Variants in COP1 observed in about 807,000 individuals in gnomAD.
COP1 encodes E3 ubiquitin-protein ligase COP1.
In COP1, 24 loss-of-function variants were observed where a neutral mutation model predicts 101.3. The observed-to-expected ratio is 0.24, with a 90% CI of 0.17 to 0.33. The LOEUF is 0.33. Ranked by LOEUF, COP1 falls within the 10% of genes least tolerant of loss-of-function variation. The probability of loss-of-function intolerance (pLI) is 1.00; values close to 1 mark genes in which losing one functional copy is unlikely to be tolerated. For missense variants in COP1, 663 were observed against 906.2 expected (o/e 0.73, Z 3.45); for synonymous variants, 347 against 341.9 (o/e 1.01, Z -0.17).
chr1:176,166,489 G>A (rs1695174823), intron 3 of COP1, among the ~76,000 whole-genome samples: 1 of 152,104 alleles, frequency 6.6e-6, no homozygotes, highest in South Asian at 2.1e-4. Context: ...GCAAATGATG[G>A]CAAAAATAAA....
At chr1:175,976,166 C>T (rs757932862) in intron 18 of COP1, among the ~76,000 whole-genome samples, 3 of 150,354 alleles carry the variant, frequency 2.0e-5, no homozygotes, top group Non-Finnish European at 4.4e-5. Flanking sequence ...AGTTGCAAGG[C>T]TAATTTGTTA....
intron 8 of COP1, among the ~76,000 whole-genome samples, chr1:176,130,771 G>C (rs1688749968): frequency 6.6e-6 from 1 of 151,444 alleles, no homozygotes; most frequent in Admixed American, 6.6e-5. Context: ...TAAAAATGTG[G>C]AAGTATAAGA....
chr1:176,154,183 A>G (rs180698307), intron 5 of COP1, among the ~76,000 whole-genome samples: 1 of 152,244 alleles, frequency 6.6e-6, no homozygotes, highest in Non-Finnish European at 1.5e-5. Flanking sequence ...TTTTCTTTGT[A>G]TATCTGGCAG....
At chr1:176,114,240 T>C (rs1032121200) in intron 9 of COP1, among the ~76,000 whole-genome samples, 1 of 152,152 alleles carries the variant, frequency 6.6e-6, no homozygotes, top group Non-Finnish European at 1.5e-5. Flanking sequence ...CAAAAAGACT[T>C]GAATCTGGTA....
At chr1:175,989,501 T>C (rs752477506) in intron 15 of COP1, 22 bp from the exon 16 acceptor site, 2 of 1,229,604 alleles carry the variant, frequency 1.6e-6, no homozygotes, top group Admixed American at 3.6e-5. Flanking sequence ...CAAAATTAGA[T>C]AAATGTAGTA....
intron 15 of COP1, among the ~76,000 whole-genome samples, chr1:176,005,210 AT>A (rs1173703480): frequency 6.6e-6 from 1 of 152,032 alleles, no homozygotes; most frequent in Non-Finnish European, 1.5e-5. Flanking sequence ...CCCGTTTATC[AT>A]TTTTTATTGC....
intron 1 of COP1, among the ~76,000 whole-genome samples, chr1:176,199,083 C>T (rs187845450): frequency 2.8e-4 from 42 of 152,114 alleles, no homozygotes; most frequent in Admixed American, 7.2e-4. Context: ...TTTGGGAGGC[C>T]GAGGCGTGGG....
chr1:175,957,483 A>C (rs1360834535), intron 18 of COP1, among the ~76,000 whole-genome samples: 4 of 152,202 alleles, frequency 2.6e-5, no homozygotes, highest in Admixed American at 6.5e-5. Context: ...GTACTAGGCT[A>C]TACCATCCAG....
intron 18 of COP1, among the ~76,000 whole-genome samples, chr1:175,952,867 T>C (rs936178847): frequency 2.6e-5 from 4 of 152,260 alleles, no homozygotes; most frequent in South Asian, 2.1e-4. Flanking sequence ...CAGTGAGCTA[T>C]GGTTGCACCA....
At chr1:175,984,332 T>A (rs985546770) in intron 18 of COP1, among the ~76,000 whole-genome samples, 1 of 152,190 alleles carries the variant, frequency 6.6e-6, no homozygotes, top group African/African-American at 2.4e-5. Flanking sequence ...CTTCAGAGGG[T>A]GCAAGCCCAA....
At chr1:175,951,923 C>T (rs1649976131) in intron 18 of COP1, among the ~76,000 whole-genome samples, 1 of 152,118 alleles carries the variant, frequency 6.6e-6, no homozygotes, top group South Asian at 2.1e-4. Context: ...TATAAACCCA[C>T]AAATCTAAGA....
At chr1:176,034,930 C>G (rs1241400483) in intron 14 of COP1, among the ~76,000 whole-genome samples, 1 of 152,138 alleles carries the variant, frequency 6.6e-6, no homozygotes, top group Non-Finnish European at 1.5e-5. Context: ...GCCAACTGAT[C>G]ACCTACTAAG....
rs74127185 is a variant in COP1 at position 176,135,628 on chromosome 1, T to G, written c.892-542A>C. 2.0e-4 allele frequency among the ~76,000 whole-genome samples: 30 copies of G among 152,102 alleles called. No individual in the cohort carries two copies. The South Asian group carries it at 6.0e-3, about 30-fold the overall frequency. ...TTAATAATGACTTAGACTCTAATTT[T>G]TGATCAGTAATCCAGAGGAATAGGC... On this transcript the variant is annotated intron_variant, in intron 7 of 19. Transcript: ENST00000367669.
chr1:176,043,440 T>G (rs1670986272), intron 13 of COP1, among the ~76,000 whole-genome samples, 173 bp from the exon 14 acceptor site: 1 of 152,174 alleles, frequency 6.6e-6, no homozygotes, highest in Non-Finnish European at 1.5e-5. Flanking sequence ...TTCCAAAACT[T>G]TTTATACATT....
At chr1:176,185,332 T>C (rs145926022) in intron 1 of COP1, among the ~76,000 whole-genome samples, 1 of 152,330 alleles carries the variant, frequency 6.6e-6, no homozygotes, top group Non-Finnish European at 1.5e-5. Context: ...GTCACACAGC[T>C]AAGAAGTAAC....
At chr1:175,980,237 G>C (rs56885508) in intron 18 of COP1, among the ~76,000 whole-genome samples, 16,200 of 151,690 alleles carry the variant, frequency 0.11, 957 homozygotes, top group Middle Eastern at 0.16. Flanking sequence ...AAAATACTAT[G>C]ATGTCTTTTT....
chr1:176,003,192 T>C (rs1662194199), intron 15 of COP1, among the ~76,000 whole-genome samples: 1 of 152,154 alleles, frequency 6.6e-6, no homozygotes, highest in African/African-American at 2.4e-5. Flanking sequence ...TTGCCCACTT[T>C]TTGATGGGGT....
chr1:176,123,588 T>C (rs1340518031), intron 8 of COP1, among the ~76,000 whole-genome samples: 1 of 152,158 alleles, frequency 6.6e-6, no homozygotes, highest in African/African-American at 2.4e-5. Context: ...ATACCAATAA[T>C]TTGTTTCCTT....
intron 18 of COP1, among the ~76,000 whole-genome samples, chr1:175,965,775 G>C (rs888953310): frequency 6.6e-6 from 1 of 151,808 alleles, no homozygotes; most frequent in Admixed American, 6.6e-5. Context: ...TTGGAGACGG[G>C]GTTTCATCAT....
Sources: allele counts gnomAD v4.1 joint callset (sites outside exome capture counted in the v4.1 genomes callset), GRCh38; gene constraint gnomAD v4.1.1; transcripts MANE v1.5; gene names NCBI Gene and HGNC (gene_info 2026-07-23, HGNC 2026-07-21).